The following DOCK8 variants were observed in gnomAD, a reference collection of about 807,000 sequenced individuals.
DOCK8 encodes the protein dedicator of cytokinesis protein 8.
A neutral mutation model predicts 245.6 loss-of-function variants in DOCK8; 141 were observed. The observed-to-expected ratio is 0.57, with a 90% CI of 0.50 to 0.66. The LOEUF (loss-of-function observed/expected upper bound fraction) is 0.66. Ranked by LOEUF, DOCK8 falls within the 30% of genes least tolerant of loss-of-function variation. The probability of loss-of-function intolerance (pLI) is 0.00; values close to 1 mark genes in which losing one functional copy is unlikely to be tolerated. For missense variants in DOCK8, 2,965 were observed against 2,603.4 expected, an observed-to-expected ratio of 1.14 and a Z score of -3.02; for synonymous variants, 1,168 against 970.2, an observed-to-expected ratio of 1.20 and a Z score of -3.79.
chr9:413,239 C>G (rs2055829268), intron 28 of DOCK8, among the ~76,000 whole-genome samples: 1 of 152,134 alleles, frequency 6.6e-6, no homozygotes, highest in African/African-American at 2.4e-5. Context: ...CTATATTACA[C>G]TGTATACAAA....
At chr9:218,266 T>G (rs1010557028) in intron 1 of DOCK8, among the ~76,000 whole-genome samples, 1 of 152,226 alleles carries the variant, frequency 6.6e-6, no homozygotes, top group African/African-American at 2.4e-5. Flanking sequence ...ATTTGTGGGA[T>G]AAAACCAGTG....
In DOCK8 at chr9:407,016, C is replaced by T. The variant is rs2055459035; in HGVS notation, c.3477C>T (p.Leu1159=). 1.2e-6 allele frequency: 2 copies of T among 1,614,158 alleles called. No individual in the cohort carries two copies. The highest frequency in any genetic ancestry group is 8.5e-7 in the Non-Finnish European group (1 of 1,180,036). ...CCGAGTACCGCCAGCAGCACTTCCTCACCGGGCTCCTCTTCACAGAACTGG... is the reference window on the plus strand; with the variant it reads ...CCGAGTACCGCCAGCAGCACTTCCTTACCGGGCTCCTCTTCACAGAACTGG... ...LTSEYRQQHF[L]TGLLFTELAA... Residue 1159 remains leucine (L), a synonymous_variant, in exon 28 of 48, where the codon CTC becomes CTT. Transcript: ENST00000432829.
chr9:449,389 G>A (rs2057361457), intron 44 of DOCK8, among the ~76,000 whole-genome samples: 1 of 91,614 alleles, frequency 1.1e-5, no homozygotes, highest in Non-Finnish European at 2.6e-5. Flanking sequence ...TGAGTAACTT[G>A]CTCAGTAATA....
intron 14 of DOCK8, among the ~76,000 whole-genome samples, chr9:348,890 C>T (rs1441328661): frequency 6.6e-6 from 1 of 152,148 alleles, no homozygotes. Context: ...TTTACAGATG[C>T]CCCCAAAGGT....
chr9:302,358 T>G (rs1460811345), intron 4 of DOCK8, among the ~76,000 whole-genome samples: 1 of 152,174 alleles, frequency 6.6e-6, no homozygotes, highest in Non-Finnish European at 1.5e-5. Context: ...TCAAGATGGA[T>G]TAAGGACTTA....
chr9:304,437 A>G (rs1179727325), intron 4 of DOCK8, 144 bp from the exon 5 acceptor site: 1 of 1,090,428 alleles, frequency 9.2e-7, no homozygotes, highest in East Asian at 2.4e-5. Context: ...GAATAATTAA[A>G]TGTGAGGAAT....
chr9:440,804 C>G (rs1021623909), intron 40 of DOCK8, among the ~76,000 whole-genome samples: 2 of 152,162 alleles, frequency 1.3e-5, no homozygotes, highest in Non-Finnish European at 2.9e-5. Flanking sequence ...AGTGATGCAG[C>G]CTTGGCTCAC....
chr9:396,858 G>A lies in DOCK8; in HGVS notation c.3044G>A (p.Arg1015His), dbSNP rs200494857. The A allele has an allele frequency of 2.5e-5, 41 of 1,613,942 alleles. No individual in the cohort carries two copies. Among genetic ancestry groups the A allele is most frequent in the Admixed American group, 1.3e-4 (8 of 59,996 alleles). Residue 1015 changes from arginine to histidine, a missense_variant, in exon 25 of 48, where the codon CGT becomes CAT. Arg to His is a conservative substitution (Grantham distance 29). This residue lies in a region of DOCK8 where 2,825 missense variants were observed against 2,453.5 expected (regional missense o/e 1.15). Transcript: ENST00000432829. ...DSFRRTRFSD[R>H]FMDDITTIVN... ...TTTCGGAGGACTCGTTTTTCTGACCGTTTCATGGATGACATAACTACTATT... is the reference window on the plus strand; with the variant it reads ...TTTCGGAGGACTCGTTTTTCTGACCATTTCATGGATGACATAACTACTATT...
At chr9:421,206 C>T (rs1000369015) in intron 32 of DOCK8, 128 bp downstream of exon 32, 13 of 1,295,758 alleles carry the variant, frequency 1.0e-5, no homozygotes, top group Admixed American at 3.7e-5. Flanking sequence ...TCAGAGACAG[C>T]GGATTCTGGG....
chr9:446,529 A>G lies in DOCK8; in HGVS notation c.5740A>G (p.Arg1914Gly). ...RPRGELHEQYRRNTVLTTMHA... is the reference protein window; with the variant it reads ...RPRGELHEQYGRNTVLTTMHA... Reference sequence around the variant, plus strand: ...TCGGGGAGAGCTGCATGAGCAGTACAGAAGGAACACAGTCCTGACCACTAT... The same window carrying G: ...TCGGGGAGAGCTGCATGAGCAGTACGGAAGGAACACAGTCCTGACCACTAT... The change falls in exon 44 of 48, where the codon AGA becomes GGA. Residue 1914 changes from arginine (R) to glycine (G), a missense_variant. Physicochemically the swap from Arg to Gly is moderately radical, Grantham distance 125. Around this residue, in one of 3 missense-constraint regions of DOCK8, gnomAD observed 2,825 missense variants for 2,453.5 expected, o/e 1.15. Transcript: ENST00000432829. 1 of 1,614,242 alleles carries G rather than the reference A, an allele frequency of 6.2e-7. No individual in the cohort carries two copies. Among genetic ancestry groups the G allele is most frequent in the Non-Finnish European group, 8.5e-7 (1 of 1,180,040 alleles).
At chr9:314,494 T>C (rs2050260631) in intron 6 of DOCK8, 1 of 152,230 alleles carries the variant, frequency 6.6e-6, no homozygotes, top group Non-Finnish European at 1.5e-5. Context: ...CTTTGTTTTA[T>C]GATCTTTGAA....
chr9:270,627 CAT>C lies in DOCK8; in HGVS notation c.54-998_54-997del, dbSNP rs554453383. On this transcript the variant is annotated intron_variant, in intron 1 of 47. Coordinates refer to ENST00000432829, the MANE Select transcript of DOCK8 (RefSeq NM_203447.4). The stretch of plus-strand genomic sequence containing the variant: ...CTAGCACACGTTTTCACAGAGAAAA[CAT>C]AATACGCTTCATTTGTAATATTTAA... Among the ~76,000 whole-genome samples, 4 of 152,318 alleles carry C rather than the reference CAT, an allele frequency of 2.6e-5. No homozygotes were observed. The South Asian group carries it at 8.3e-4, about 32-fold the overall frequency.
intron 1 of DOCK8, among the ~76,000 whole-genome samples, chr9:254,954 G>C (rs1038262302): frequency 1.1e-4 from 16 of 152,284 alleles, no homozygotes; most frequent in Non-Finnish European, 1.9e-4. Flanking sequence ...TGGTTGATCA[G>C]TTCTTTAGCA....
intron 5 of DOCK8, among the ~76,000 whole-genome samples, chr9:305,655 C>G (rs977065729): frequency 4.6e-5 from 7 of 152,160 alleles, no homozygotes; most frequent in African/African-American, 1.7e-4. Context: ...GTGAAATGAG[C>G]TTTTAACACT....
intron 23 of DOCK8, among the ~76,000 whole-genome samples, chr9:389,465 C>T (rs950817578): frequency 6.6e-6 from 1 of 152,084 alleles, no homozygotes; most frequent in African/African-American, 2.4e-5. Flanking sequence ...AGCCCAAGAT[C>T]CTCTCATAAA....
At chr9:381,724 C>A (rs2053727431) in intron 21 of DOCK8, among the ~76,000 whole-genome samples, 1 of 152,174 alleles carries the variant, frequency 6.6e-6, no homozygotes, top group Admixed American at 6.5e-5. Context: ...CTTTGGGAGG[C>A]CAAGGTGAGC....
chr9:342,297 C>CTT (rs34071975), intron 14 of DOCK8, among the ~76,000 whole-genome samples: 1 of 124,414 alleles, frequency 8.0e-6, no homozygotes, highest in Non-Finnish European at 1.7e-5. Context: ...TTTCTTTTTT[C>CTT]TTTTTTTTTT....
At chr9:304,753 C>T (rs749356532) in intron 5 of DOCK8, 49 bp downstream of exon 5, 2 of 1,613,522 alleles carry the variant, frequency 1.2e-6, no homozygotes, top group South Asian at 2.2e-5. Context: ...GCTCTTCTGC[C>T]CAGGGCATGC....
chr9:441,795 G>A lies in DOCK8; in HGVS notation c.5356-80G>A, dbSNP rs1042941457. ...GAGTAAAATGCTTTGTTAACACAAT[G>A]AGAGACCCCTGCCCTTTGCAACTCA... On this transcript the variant is annotated intron_variant, in intron 41 of 47. Coordinates refer to ENST00000432829, the MANE Select transcript of DOCK8 (RefSeq NM_203447.4). 22 of 1,575,396 alleles carry A rather than the reference G, an allele frequency of 1.4e-5. No homozygotes were observed. The African/African-American group carries it at 2.3e-4, about 16-fold the overall frequency.
Sources: allele counts gnomAD v4.1 joint callset (sites outside exome capture counted in the v4.1 genomes callset), GRCh38; gene constraint gnomAD v4.1.1; regional missense constraint gnomAD v4.1.1; transcripts MANE v1.5; gene names NCBI Gene and HGNC (gene_info 2026-07-23, HGNC 2026-07-21).